Variants in DMD observed in about 807,000 individuals in gnomAD.
DMD encodes dystrophin.
Under a neutral mutation model 330.1 loss-of-function variants are expected in DMD, and 63 were observed. The observed-to-expected ratio is 0.19, with a 90% confidence interval of 0.16 to 0.24. DMD has a LOEUF of 0.24. Among genes scored for constraint, DMD ranks in the 10% least tolerant of loss-of-function variants. DMD has a pLI of 1.00. For missense variants in DMD, 3,344 were observed against 2,684.1 expected, an observed-to-expected ratio of 1.25 and a Z score of -5.43; for synonymous variants, 1,223 against 959.8, an observed-to-expected ratio of 1.27 and a Z score of -5.07.
chrX:31,664,189 A>C (rs1282108027), intron 53 of DMD, among the ~76,000 whole-genome samples: 1 of 111,150 alleles, frequency 9.0e-6, no homozygotes, highest in African/African-American at 3.3e-5. Context: ...CCATTACCTT[A>C]AGACAAACAT....
At chrX:32,865,194 G>C (rs2082385376) in intron 2 of DMD, among the ~76,000 whole-genome samples, 1 of 111,330 alleles carries the variant, frequency 9.0e-6, no homozygotes, top group African/African-American at 3.3e-5. Flanking sequence ...ACTGTCCTAA[G>C]AAAAATGGGA....
intron 1 of DMD, chrX:33,041,291 G>A (rs760905262): frequency 8.8e-5 from 73 of 832,249 alleles, no homozygotes; most frequent in Non-Finnish European, 1.2e-4. Flanking sequence ...CGCAGCCTGC[G>A]CATGCGCGCC....
intron 2 of DMD, among the ~76,000 whole-genome samples, chrX:32,894,994 G>A (rs955875771): frequency 8.9e-6 from 1 of 112,044 alleles, no homozygotes; most frequent in African/African-American, 3.2e-5. Context: ...GTGTTCCAGC[G>A]TGTTCAAGTT....
At chrX:31,489,297 C>T (rs1049567930) in intron 57 of DMD, among the ~76,000 whole-genome samples, 1 of 111,754 alleles carries the variant, frequency 8.9e-6, no homozygotes, top group East Asian at 2.8e-4. Flanking sequence ...CGTGTCACCA[C>T]GCCCAGCTAG....
intron 62 of DMD, among the ~76,000 whole-genome samples, chrX:31,298,426 CACACAT>C (rs1407425215): frequency 3.6e-5 from 4 of 109,933 alleles, no homozygotes; most frequent in African/African-American, 1.3e-4. Context: ...CACACACACA[CACACAT>C]ACACACACAC....
chrX:32,571,372 T>C lies in DMD; in HGVS notation c.1812+2158A>G, dbSNP rs1331208349. Among the ~76,000 whole-genome samples, 28 of 112,058 alleles carry C rather than the reference T, an allele frequency of 2.5e-4. No individual in the cohort carries two copies. The Admixed American group carries it at 2.7e-3, about 11-fold the overall frequency. ...AATTTATCCTCTCCTCTCTGTGGCA[T>C]GTGACAGTGTGTACCACTTCCTACT... On this transcript the variant is annotated intron_variant, in intron 15 of 78. Coordinates refer to ENST00000357033, the MANE Select transcript of DMD (RefSeq NM_004006.3).
chrX:33,074,643 TAAG>T (rs1325449051), intron 1 of DMD, among the ~76,000 whole-genome samples: 1 of 110,826 alleles, frequency 9.0e-6, no homozygotes, highest in Non-Finnish European at 1.9e-5. Flanking sequence ...GGTGGCTTGA[TAAG>T]AAGAGAGACC....
chrX:32,138,346 CACTT>C (rs1425035839), intron 44 of DMD, among the ~76,000 whole-genome samples: 2 of 111,089 alleles, frequency 1.8e-5, no homozygotes, highest in Non-Finnish European at 3.8e-5. Flanking sequence ...TGAAACAACT[CACTT>C]AACCCTATAT....
At chrX:32,970,443 C>T (rs2092337579) in intron 2 of DMD, among the ~76,000 whole-genome samples, 1 of 93,159 alleles carries the variant, frequency 1.1e-5, no homozygotes, top group African/African-American at 4.9e-5. Flanking sequence ...ATATATATAT[C>T]TATTGTGTAC....
intron 1 of DMD, among the ~76,000 whole-genome samples, chrX:33,149,455 T>C (rs2148620163): frequency 8.9e-6 from 1 of 112,476 alleles, no homozygotes; most frequent in South Asian, 3.7e-4. Flanking sequence ...CCTCCTGCTG[T>C]GCAGCTGGGT....
chrX:33,240,614 G>A (rs2052572307), intron 1 of DMD, among the ~76,000 whole-genome samples: 1 of 111,476 alleles, frequency 9.0e-6, no homozygotes, highest in African/African-American at 3.3e-5. Flanking sequence ...GTTAGTTCTA[G>A]TTTTAATTTT....
chrX:31,452,360 A>G (rs1289900390), intron 59 of DMD, among the ~76,000 whole-genome samples: 1 of 109,412 alleles, frequency 9.1e-6, no homozygotes, highest in Non-Finnish European at 1.9e-5. Context: ...AGGTGGGTGG[A>G]TCACCTGAGG....
chrX:31,571,421 A>G (rs2075816413), intron 55 of DMD, among the ~76,000 whole-genome samples: 1 of 110,324 alleles, frequency 9.1e-6, no homozygotes, highest in Non-Finnish European at 1.9e-5. Flanking sequence ...TTCTAACATT[A>G]CCATGTTCTA....
chrX:31,887,302 G>T (rs1487960739), intron 47 of DMD, among the ~76,000 whole-genome samples: 1 of 111,658 alleles, frequency 9.0e-6, no homozygotes, highest in Non-Finnish European at 1.9e-5. Flanking sequence ...TATTTTCCTT[G>T]CCACTATCAA....
At chrX:32,657,995 CAT>C (rs1465462750) in intron 9 of DMD, among the ~76,000 whole-genome samples, 1 of 111,359 alleles carries the variant, frequency 9.0e-6, no homozygotes, top group Non-Finnish European at 1.9e-5. Context: ...ACAAAATACA[CAT>C]ATCTCGTGAA....
chrX:31,616,262 G>A (rs191232450), intron 55 of DMD, among the ~76,000 whole-genome samples: 134 of 111,599 alleles, frequency 1.2e-3, no homozygotes, highest in African/African-American at 4.2e-3. Context: ...TGGGGGCTCA[G>A]GGAAAAAGGG....
intron 55 of DMD, among the ~76,000 whole-genome samples, chrX:31,541,563 C>A (rs994693287): frequency 1.9e-5 from 2 of 103,276 alleles, no homozygotes; most frequent in Non-Finnish European, 3.9e-5. Context: ...TGCTCAATTC[C>A]CGCCTGTGAG....
chrX:33,339,210 C>T (rs1379031889), intron 1 of DMD: 1 of 1,023,361 alleles, frequency 9.8e-7, no homozygotes, highest in Non-Finnish European at 1.3e-6. Flanking sequence ...TTTGTCATGG[C>T]CAGCTTCTAA....
At chrX:32,885,429 CAAA>C (rs11407092) in intron 2 of DMD, among the ~76,000 whole-genome samples, 1 of 108,597 alleles carries the variant, frequency 9.2e-6, no homozygotes, top group Admixed American at 9.8e-5. Context: ...AGAGAAATGA[CAAA>C]AAAAAGTCAA....
Sources: gnomAD v4.1 joint callset for allele counts (sites outside exome capture counted in the v4.1 genomes callset) on GRCh38, gnomAD v4.1.1 for gene constraint, MANE v1.5 for transcripts, NCBI Gene and HGNC (gene_info 2026-07-23, HGNC 2026-07-21) for gene names.